Variants in GABPA observed in about 807,000 individuals in gnomAD.
GABPA encodes the protein GA-binding protein alpha chain.
A neutral mutation model predicts 59.4 loss-of-function variants in GABPA; 4 were observed. That is an observed-to-expected ratio of 0.07 (90% CI 0.03 to 0.15). The LOEUF (loss-of-function observed/expected upper bound fraction) is 0.15, where lower values mean the gene tolerates loss of function less well. GABPA is among the 10% of genes least tolerant of loss of function. The probability of loss-of-function intolerance (pLI) is 1.00; values close to 1 mark genes in which losing one functional copy is unlikely to be tolerated. For synonymous variants in GABPA, 164 were observed against 183.1 expected (o/e 0.90, Z 0.84); for missense variants, 251 against 543.8 (o/e 0.46, Z 5.36).
chr21:25,759,928 CTCTT>C (rs2035727048), intron 6 of GABPA, among the ~76,000 whole-genome samples: 1 of 152,198 alleles, frequency 6.6e-6, no homozygotes, highest in Admixed American at 6.5e-5. Flanking sequence ...TTGTGGCTGT[CTCTT>C]TCTGGTTCTC....
chr21:25,746,365 C>T (rs2035365593), intron 3 of GABPA, among the ~76,000 whole-genome samples: 2 of 152,088 alleles, frequency 1.3e-5, no homozygotes, highest in Non-Finnish European at 2.9e-5. Context: ...ATTGTTTCAT[C>T]TTCTGGATCG....
rs1313875888 is a variant in GABPA at position 25,751,535 on chromosome 21, C to T, written c.308-454C>T. Among the ~76,000 whole-genome samples the T allele has an allele frequency of 5.3e-5, 8 of 151,718 alleles. No homozygotes were observed. The South Asian group carries it at 1.7e-3, about 31-fold the overall frequency. ...TTTGGCATAATTTTTAACACATCTA[C>T]TTTGTCCTTTAAAAAGAAAAACTGA... On this transcript the variant is annotated intron_variant, in intron 4 of 9. Transcript: ENST00000400075.
rs2829897 is a variant in GABPA, at chr21:25,764,279, C to T, written c.872C>T (p.Ala291Val). 8.5e-5 allele frequency: 137 copies of T among 1,611,934 alleles called. No homozygotes were observed. Among genetic ancestry groups the T allele is most frequent in the Non-Finnish European group, 1.1e-4 (128 of 1,178,960 alleles). The change falls in exon 8 of 10, where the codon GCG (alanine) becomes GTG (valine). Residue 291 changes from alanine to valine, a missense_variant. By Grantham distance (64) the Ala-to-Val change is moderately conservative. This residue lies in a region of GABPA where 207 missense variants were observed against 366.7 expected (regional missense o/e 0.56). Transcript: ENST00000400075. ...PTTIKVINSS[A>V]KAAKVQRAPR... is the part of the protein sequence containing the mutation. ...ACCATTAAAGTTATAAATAGTAGTG[C>T]GAAAGCAGCCAAAGTACAAAGAGCG...
At chr21:25,738,342 A>G (rs531480819) in intron 1 of GABPA, among the ~76,000 whole-genome samples, 17 of 152,264 alleles carry the variant, frequency 1.1e-4, no homozygotes, top group Non-Finnish European at 1.6e-4. Context: ...GTTTCCCGTT[A>G]TGTGAATATC....
rs1601127532 is a variant in GABPA at position 25,751,236 on chromosome 21, ATAATT to A, written c.308-747_308-743del. ...TATGGCATAATTTCTTGGCTTAATT[ATAATT>A]TAATTAGGTATAATCAAATTATAAT... On this transcript the variant is annotated intron_variant, in intron 4 of 9. Transcript: ENST00000400075. Among the ~76,000 whole-genome samples, 4 of 148,432 alleles carry A rather than the reference ATAATT, an allele frequency of 2.7e-5. 1 individual carries two copies. In the South Asian group the frequency reaches 6.5e-4, roughly 24 times the overall value.
chr21:25,758,977 A>G, intron 6 of GABPA, among the ~76,000 whole-genome samples: 1 of 152,080 alleles, frequency 6.6e-6, no homozygotes, highest in East Asian at 1.9e-4. Context: ...GGTTGAGGCG[A>G]GAGGATAGCC....
In GABPA at chr21:25,741,685, T is replaced by C. The variant is rs1403561655; in HGVS notation, c.77+10T>C. On this transcript the variant is annotated intron_variant, in intron 2 of 9. Coordinates refer to ENST00000400075, the MANE Select transcript of GABPA (RefSeq NM_002040.4). ...AGTGCACAGAAGAAAGGTTGGTGTT[T>C]CTGAATTTATCATTTTTTTTCAAAA... 3 of 1,580,776 alleles carry C rather than the reference T, an allele frequency of 1.9e-6. No homozygotes were observed. Among genetic ancestry groups the C allele is most frequent in the Non-Finnish European group, 2.6e-6 (3 of 1,158,240 alleles).
intron 4 of GABPA, 60 bp from the exon 5 acceptor site, chr21:25,751,928 AT>A: frequency 1.3e-6 from 2 of 1,555,692 alleles, no homozygotes; most frequent in Non-Finnish European, 1.8e-6. Flanking sequence ...AAACTAAATT[AT>A]TTTTTGGTGA....
At chr21:25,735,890 T>A (rs2035037901) in intron 1 of GABPA, among the ~76,000 whole-genome samples, 1 of 152,122 alleles carries the variant, frequency 6.6e-6, no homozygotes, top group Non-Finnish European at 1.5e-5. Context: ...CGTCCCCTCC[T>A]CGCCCGTCCG....
At chr21:25,765,582 A>C (rs780070256) in intron 9 of GABPA, among the ~76,000 whole-genome samples, 5 of 151,952 alleles carry the variant, frequency 3.3e-5, no homozygotes, top group Non-Finnish European at 7.4e-5. Flanking sequence ...CGGCCATGTA[A>C]CTATTATTAC....
chr21:25,752,483 G>T (rs568555033), intron 5 of GABPA: 15 of 438,802 alleles, frequency 3.4e-5, no homozygotes, highest in Middle Eastern at 1.2e-3. Flanking sequence ...TAGTTGAAGA[G>T]AGAGAAGATA....
chr21:25,760,783 A>T (rs1328364542), intron 6 of GABPA, among the ~76,000 whole-genome samples: 3 of 152,116 alleles, frequency 2.0e-5, no homozygotes, highest in African/African-American at 7.2e-5. Flanking sequence ...TGTAGCAAGG[A>T]TTTGGAGGTT....
chr21:25,761,283 A>G (rs928216901), intron 6 of GABPA, among the ~76,000 whole-genome samples: 8 of 152,204 alleles, frequency 5.3e-5, no homozygotes, highest in Non-Finnish European at 8.8e-5. Context: ...ATAGGTGTCT[A>G]ATTTAAACTT....
intron 3 of GABPA, among the ~76,000 whole-genome samples, chr21:25,746,000 A>G (rs2035353290): frequency 1.3e-5 from 2 of 149,508 alleles, no homozygotes; most frequent in Non-Finnish European, 3.0e-5. Context: ...TAAATACTAG[A>G]GTTTTATACT....
At position 25,735,007 on chromosome 21, in the gene GABPA, G is replaced by A. The variant is rs1169622525; in HGVS notation, c.-598G>A. On this transcript the variant is annotated 5_prime_UTR_variant, in exon 1 of 10. Transcript: ENST00000400075. ...CGCTCACCGGACAGGAAGCGTCTCGGAGACAGTCTGCGACCGGACGGGTCT... is the reference window on the plus strand; with the variant it reads ...CGCTCACCGGACAGGAAGCGTCTCGAAGACAGTCTGCGACCGGACGGGTCT... The A allele has an allele frequency of 1.9e-6, 3 of 1,540,782 alleles. No individual in the cohort carries two copies. The highest frequency in any genetic ancestry group is 2.6e-6 in the Non-Finnish European group (3 of 1,141,820).
At chr21:25,764,816 A>T in intron 9 of GABPA, 29 bp downstream of exon 9, 5 of 1,464,940 alleles carry the variant, frequency 3.4e-6, no homozygotes, top group Non-Finnish European at 4.6e-6. Flanking sequence ...TTTTTCTGTT[A>T]TCAAAAATAG....
At chr21:25,744,097 AG>A (rs1801939789) in intron 2 of GABPA, among the ~76,000 whole-genome samples, 1 of 151,778 alleles carries the variant, frequency 6.6e-6, no homozygotes, top group Non-Finnish European at 1.5e-5. Context: ...TTTGGTAAAA[AG>A]GCTTACTTAA....
intron 5 of GABPA, among the ~76,000 whole-genome samples, chr21:25,757,307 T>A (rs1189433944): frequency 6.6e-6 from 1 of 152,192 alleles, no homozygotes; most frequent in Non-Finnish European, 1.5e-5. Context: ...CATATTTTTT[T>A]ATTTATGAAT....
rs373588184 is a variant in GABPA at position 25,742,987 on chromosome 21, C to G, written c.77+1312C>G. On this transcript the variant is annotated intron_variant, in intron 2 of 9. Coordinates refer to ENST00000400075, the MANE Select transcript of GABPA (RefSeq NM_002040.4). ...ATTGCTCATTGTTTCTCAGAGAAAC[C>G]TGGGAGCAACTTACCTGGGTGGATC... Among the ~76,000 whole-genome samples, 29 of 151,754 alleles carry G rather than the reference C, an allele frequency of 1.9e-4. No individual in the cohort carries two copies. The East Asian group carries it at 3.9e-3, about 20-fold the overall frequency.
Sources: allele counts gnomAD v4.1 joint callset (sites outside exome capture counted in the v4.1 genomes callset), GRCh38; gene constraint gnomAD v4.1.1; regional missense constraint gnomAD v4.1.1; transcripts MANE v1.5; gene names NCBI Gene and HGNC (gene_info 2026-07-23, HGNC 2026-07-21).